Variants in KCNH1 observed in about 807,000 individuals in gnomAD.
The protein encoded by KCNH1 is potassium voltage-gated channel subfamily H member 1, also known as voltage-gated delayed rectifier potassium channel KCNH1.
Under a neutral mutation model 69.2 loss-of-function variants are expected in KCNH1, and 27 were observed. The observed-to-expected ratio is 0.39, with a 90% CI of 0.29 to 0.54. KCNH1 has a LOEUF of 0.54. KCNH1 is among the 20% of genes least tolerant of loss of function. KCNH1 has a pLI of 0.68. For synonymous variants in KCNH1, 456 were observed against 487.7 expected, an observed-to-expected ratio of 0.93 and a Z score of 0.86; for missense variants, 798 against 1,261.6, an observed-to-expected ratio of 0.63 and a Z score of 5.57.
chr1:210,904,784 A>T (rs1687068491), intron 7 of KCNH1, among the ~76,000 whole-genome samples: 1 of 152,246 alleles, frequency 6.6e-6, no homozygotes, highest in African/African-American at 2.4e-5. Context: ...CCATGCCAGG[A>T]ATTCCACAGA....
intron 7 of KCNH1, among the ~76,000 whole-genome samples, chr1:210,839,919 C>T (rs1371777482): frequency 3.3e-5 from 5 of 152,112 alleles, no homozygotes; most frequent in Non-Finnish European, 7.4e-5. Context: ...CTGTCTAAAG[C>T]GAGATCTATC....
In KCNH1 at chr1:210,684,022, T is replaced by C; in HGVS notation, c.2229A>G (p.Arg743=). 6.3e-7 allele frequency: 1 copy of C among 1,590,032 alleles called. No individual in the cohort carries two copies. The highest frequency in any genetic ancestry group is 1.7e-5 in the Admixed American group (1 of 58,674). ...PDHPVRRLFQ[R]FRQQKEARLA... ...GCCTGGCCTCTTTCTGCTGTCGGAA[T>C]CTCTGGAAGAGGCGCCGGACAGGGT... Residue 743 remains arginine (R), a synonymous_variant, in exon 11 of 11, where the codon AGA becomes AGG. Coordinates refer to ENST00000271751, the MANE Select transcript of KCNH1 (RefSeq NM_172362.3).
At chr1:211,000,382 GA>G (rs1255792454) in intron 6 of KCNH1, among the ~76,000 whole-genome samples, 1 of 152,142 alleles carries the variant, frequency 6.6e-6, no homozygotes, top group Non-Finnish European at 1.5e-5. Flanking sequence ...GACAAACAGA[GA>G]GCCGAATCAT....
intron 6 of KCNH1, among the ~76,000 whole-genome samples, chr1:210,985,295 TGA>T (rs1426849174): frequency 6.6e-6 from 1 of 152,234 alleles, no homozygotes; most frequent in Non-Finnish European, 1.5e-5. Context: ...AGTTCTGCTC[TGA>T]TCTTAGTTAT....
intron 7 of KCNH1, chr1:210,858,389 G>A (rs1455674924): frequency 6.6e-6 from 1 of 152,216 alleles, no homozygotes. Context: ...GTCCCTGTCA[G>A]AAGTGAGTGG....
chr1:210,841,722 C>T (rs916277873), intron 7 of KCNH1, among the ~76,000 whole-genome samples: 3 of 152,090 alleles, frequency 2.0e-5, no homozygotes, highest in Non-Finnish European at 4.4e-5. Flanking sequence ...GGGAAAACTG[C>T]TCACTAGTAG....
chr1:210,899,925 T>C lies in KCNH1; in HGVS notation c.1462+19715A>G, dbSNP rs113444950. Among the ~76,000 whole-genome samples the C allele has an allele frequency of 4.0e-3, 613 of 152,238 alleles. 9 individuals carry two copies. Among genetic ancestry groups the C allele is most frequent in the African/African-American group, 0.014 (589 of 41,554 alleles). On this transcript the variant is annotated intron_variant, in intron 7 of 10. Coordinates refer to ENST00000271751, the MANE Select transcript of KCNH1 (RefSeq NM_172362.3). ...AAAGTCAATACCACAAAGGTACATA[T>C]TAAAGTCAGATTTCTAAAAAACTAA...
intron 8 of KCNH1, among the ~76,000 whole-genome samples, chr1:210,803,443 A>G (rs1402598766): frequency 6.6e-6 from 1 of 152,226 alleles, no homozygotes; most frequent in Non-Finnish European, 1.5e-5. Context: ...TGAGGTTGAG[A>G]TGAGTGAGGC....
chr1:210,997,180 G>C (rs761617221), intron 6 of KCNH1, among the ~76,000 whole-genome samples: 7 of 152,212 alleles, frequency 4.6e-5, no homozygotes, highest in Non-Finnish European at 1.0e-4. Flanking sequence ...TTGATTAGCT[G>C]ACAGAAGAAG....
At chr1:210,860,945 T>C in intron 7 of KCNH1, 1 of 961,942 alleles carries the variant, frequency 1.0e-6, no homozygotes, top group South Asian at 1.3e-5. Flanking sequence ...CAGATCTTTT[T>C]CTTCAGAAGT....
intron 6 of KCNH1, among the ~76,000 whole-genome samples, chr1:211,001,018 T>C (rs1256595569): frequency 3.3e-5 from 5 of 152,104 alleles, no homozygotes; most frequent in Admixed American, 6.6e-5. Context: ...TAATTCAAGA[T>C]GGATTAAAGA....
chr1:211,010,109 C>T (rs1294508311), intron 6 of KCNH1, among the ~76,000 whole-genome samples: 1 of 152,140 alleles, frequency 6.6e-6, no homozygotes, highest in East Asian at 1.9e-4. Context: ...GTTCTCCACT[C>T]ACATTCTCCA....
intron 10 of KCNH1, among the ~76,000 whole-genome samples, chr1:210,734,368 G>A (rs1207309482): frequency 6.6e-6 from 1 of 152,104 alleles, no homozygotes; most frequent in African/African-American, 2.4e-5. Context: ...TTGGTTGACT[G>A]TACTTCTTAA....
In KCNH1 at chr1:210,754,172, GC is replaced by G. The variant is rs567525674; in HGVS notation, c.2112+21175del. 3.3e-3 allele frequency among the ~76,000 whole-genome samples: 504 copies of G among 152,086 alleles called. 1 individual carries two copies. Among genetic ancestry groups the G allele is most frequent in the African/African-American group, 0.012 (482 of 41,500 alleles). On this transcript the variant is annotated intron_variant, in intron 10 of 10. Coordinates refer to ENST00000271751, the MANE Select transcript of KCNH1 (RefSeq NM_172362.3). ...CTGACCTTGTGATCCACCCACCTCGGCCTCCCAAAGTGCTGGGATTACAGGC... is the reference window on the plus strand; with the variant it reads ...CTGACCTTGTGATCCACCCACCTCGGCTCCCAAAGTGCTGGGATTACAGGC...
chr1:210,788,914 TCTCG>T (rs1684161711), intron 9 of KCNH1, among the ~76,000 whole-genome samples: 1 of 148,754 alleles, frequency 6.7e-6, no homozygotes, highest in African/African-American at 2.6e-5. Context: ...GCCGGGATGG[TCTCG>T]ATCTCCTGAC....
rs573568427 is a variant in KCNH1 at position 211,003,638 on chromosome 1, A to G, written c.1032+15145T>C. On this transcript the variant is annotated intron_variant, in intron 6 of 10. Coordinates refer to ENST00000271751, the MANE Select transcript of KCNH1 (RefSeq NM_172362.3). ...TAGGATAATAAAACTACTAGAAGAG[A>G]TGAAAGAGAAGGAGGAAGAGGAGGA... Among the ~76,000 whole-genome samples the G allele has an allele frequency of 2.2e-3, 338 of 152,310 alleles. 3 individuals are homozygous for G. The highest frequency in any genetic ancestry group is 7.7e-3 in the South Asian group (37 of 4,822).
chr1:210,701,038 C>T (rs983575917), intron 10 of KCNH1, among the ~76,000 whole-genome samples: 70 of 152,078 alleles, frequency 4.6e-4, no homozygotes, highest in African/African-American at 1.5e-3. Flanking sequence ...CCCGGGTTCA[C>T]GCCACTCTCC....
At chr1:211,047,514 C>T (rs1194413765) in intron 5 of KCNH1, among the ~76,000 whole-genome samples, 1 of 152,132 alleles carries the variant, frequency 6.6e-6, no homozygotes, top group East Asian at 1.9e-4. Flanking sequence ...CCGAACCTGG[C>T]AAAGTCTCAG....
At chr1:210,885,900 T>A (rs1451601686) in intron 7 of KCNH1, among the ~76,000 whole-genome samples, 2 of 152,044 alleles carry the variant, frequency 1.3e-5, no homozygotes, top group African/African-American at 4.8e-5. Context: ...CCAGTCAGGG[T>A]CTTATAGATA....
Sources: gnomAD v4.1 joint callset for allele counts (sites outside exome capture counted in the v4.1 genomes callset) on GRCh38, gnomAD v4.1.1 for gene constraint, MANE v1.5 for transcripts, NCBI Gene and HGNC (gene_info 2026-07-23, HGNC 2026-07-21) for gene names.